TSHZ3: variants seen among roughly 807,000 people sequenced by gnomAD.
TSHZ3 encodes the protein teashirt zinc finger homeobox 3, also known as teashirt homolog 3.
TSHZ3 carries 10 observed loss-of-function variants against 64.5 expected under a neutral mutation model. The observed-to-expected ratio is 0.16, with a 90% CI of 0.10 to 0.26. The LOEUF (loss-of-function observed/expected upper bound fraction) is 0.26. Among genes scored for constraint, TSHZ3 ranks in the 10% least tolerant of loss-of-function variants. The pLI is 1.00. For missense variants in TSHZ3, 1,242 were observed against 1,421.7 expected (o/e 0.87, Z 2.03); for synonymous variants, 608 against 593.1 (o/e 1.03, Z -0.36).
chr19:31,254,485 A>G (rs1392086221), intron 1 of TSHZ3, among the ~76,000 whole-genome samples: 1 of 152,238 alleles, frequency 6.6e-6, no homozygotes, highest in Non-Finnish European at 1.5e-5. Flanking sequence ...GGGCTGAAAT[A>G]TAAAACACGC....
intron 1 of TSHZ3, among the ~76,000 whole-genome samples, chr19:31,304,911 C>T (rs1421574776): frequency 6.6e-6 from 1 of 152,208 alleles, no homozygotes; most frequent in Non-Finnish European, 1.5e-5. Flanking sequence ...TCACTCACAG[C>T]AACTGTAATA....
In TSHZ3 at chr19:31,277,801, G is replaced by C; in HGVS notation, c.1992C>G (p.Phe664Leu). The change falls in exon 2 of 2, where the codon TTC becomes TTG. Residue 664 changes from phenylalanine to leucine, a missense_variant. This residue lies in a region of TSHZ3 where 550 missense variants were observed against 545.1 expected (regional missense o/e 1.01). Coordinates refer to ENST00000240587, the MANE Select transcript of TSHZ3 (RefSeq NM_020856.4). This position sits in a 1 kb window ranked among gnomAD's most constrained non-coding sequence, Gnocchi z 4.5. The part of the protein sequence containing the change: ...IKMEASSDGG[F>L]RSQENSPSPP... The stretch of plus-strand genomic sequence containing the variant: ...GGCTGGGGCTGTTCTCCTGGCTGCG[G>C]AAGCCCCCATCGCTGGATGCCTCCA... 6.5e-7 allele frequency: 1 copy of C among 1,542,996 alleles called. No individual in the cohort carries two copies. Among genetic ancestry groups the C allele is most frequent in the African/African-American group, 1.4e-5 (1 of 72,562 alleles).
intron 5 of TSHZ3, among the ~76,000 whole-genome samples, chr19:31,200,838 G>T (rs1975073553): frequency 6.6e-6 from 1 of 152,068 alleles, no homozygotes; most frequent in African/African-American, 2.4e-5. Context: ...GAAGGGGGGT[G>T]CATGGGAAAT....
intron 1 of TSHZ3, among the ~76,000 whole-genome samples, chr19:31,245,183 G>A (rs543711322): frequency 1.2e-4 from 18 of 152,006 alleles, no homozygotes; most frequent in East Asian, 7.7e-4. Context: ...TCTTACTTAC[G>A]AAAAAATGTT....
At chr19:31,178,684 A>G (rs1437352659) in intron 5 of TSHZ3, among the ~76,000 whole-genome samples, 1 of 152,184 alleles carries the variant, frequency 6.6e-6, no homozygotes, top group Non-Finnish European at 1.5e-5. Flanking sequence ...CTTCTCAAGA[A>G]AAAAAGAAGA....
Position 31,279,456 on chromosome 19 carries a change from C to T in TSHZ3, c.337G>A (p.Asp113Asn). ...TVPLEDTTVS[D>N]SLEQMKAVYN... is the part of the protein sequence containing the mutation. ...ACGGCCTTCATCTGCTCCAGGCTATCCGACACAGTCGTGTCTTCCAGTGGG... is the reference window on the plus strand; with the variant it reads ...ACGGCCTTCATCTGCTCCAGGCTATTCGACACAGTCGTGTCTTCCAGTGGG... The change falls in exon 2 of 2, where the codon GAT becomes AAT. Residue 113 changes from aspartate to asparagine, a missense_variant. Around this residue, in one of 4 missense-constraint regions of TSHZ3, gnomAD observed 555 missense variants for 704.0 expected, o/e 0.79. Transcript: ENST00000240587. The surrounding 1 kb of genome is among the most constrained non-coding windows in gnomAD (Gnocchi z 6.4). 2 of 1,614,230 alleles carry T rather than the reference C, an allele frequency of 1.2e-6. No homozygotes were observed. The highest frequency in any genetic ancestry group is 8.5e-7 in the Non-Finnish European group (1 of 1,180,048).
chr19:31,279,064 G>T lies in TSHZ3; in HGVS notation c.729C>A (p.Asn243Lys), dbSNP rs1976310596. Reference protein sequence around the residue: ...MNETGHYRDDNHETDNNNPKR... With the variant: ...MNETGHYRDDKHETDNNNPKR... ...TGGGGTTGTTGTTATCGGTCTCATG[G>T]TTGTCGTCGCGGTAATGCCCCGTCT... Residue 243 changes from asparagine (N) to lysine (K), a missense_variant, in exon 2 of 2, where the codon AAC becomes AAA. This residue lies in a region of TSHZ3 where 555 missense variants were observed against 704.0 expected (regional missense o/e 0.79). Coordinates refer to ENST00000240587, the MANE Select transcript of TSHZ3 (RefSeq NM_020856.4). This position sits in a 1 kb window ranked among gnomAD's most constrained non-coding sequence, Gnocchi z 6.4. 1.2e-6 allele frequency: 2 copies of T among 1,614,108 alleles called. No homozygotes were observed. Among genetic ancestry groups the T allele is most frequent in the Non-Finnish European group, 1.7e-6 (2 of 1,180,004 alleles).
intron 1 of TSHZ3, among the ~76,000 whole-genome samples, chr19:31,263,481 G>C (rs1035441710): frequency 2.6e-5 from 4 of 152,342 alleles, no homozygotes; most frequent in African/African-American, 7.2e-5. Context: ...GCGAAGGCAT[G>C]AAGGAAAGCT....
At position 31,208,176 on chromosome 19, in the gene TSHZ3, C is replaced by T. The variant is rs545896729; in HGVS notation, n.687-3098G>A. On this transcript the variant is annotated intron_variant and non_coding_transcript_variant, in intron 4 of 6. Transcript: ENST00000651361. ...AGCAACAAAAATAGATGCTAGTTAA[C>T]GTGAGGAGGATATGAATTGGTTTAG... is the stretch of plus-strand genomic sequence containing the variant. Among the ~76,000 whole-genome samples, 304 of 152,260 alleles carry T rather than the reference C, an allele frequency of 2.0e-3. 2 individuals carry two copies. The highest frequency in any genetic ancestry group is 0.019 in the South Asian group (92 of 4,826).
chr19:31,173,178 A>T (rs1185049653), intron 5 of TSHZ3, among the ~76,000 whole-genome samples: 3 of 152,240 alleles, frequency 2.0e-5, no homozygotes, highest in Non-Finnish European at 4.4e-5. Context: ...CCAAGCTGGT[A>T]GCAGCAGTTG....
At chr19:31,226,977 C>CTTTCTTTTTTTTT (rs11419299) in intron 4 of TSHZ3, among the ~76,000 whole-genome samples, 1 of 65,684 alleles carries the variant, frequency 1.5e-5, no homozygotes, top group African/African-American at 9.7e-5. Flanking sequence ...TTCTTTCTTT[C>CTTTCTTTTTTTTT]TTTTTTTTTT....
chr19:31,159,445 G>T (rs1007341592), intron 5 of TSHZ3, among the ~76,000 whole-genome samples: 1 of 152,100 alleles, frequency 6.6e-6, no homozygotes, highest in Non-Finnish European at 1.5e-5. Flanking sequence ...GAACACCTTC[G>T]GGGAGGTCTT....
intron 1 of TSHZ3, among the ~76,000 whole-genome samples, chr19:31,323,502 CCTTTT>C (rs1916837600): frequency 6.6e-6 from 1 of 152,172 alleles, no homozygotes; most frequent in South Asian, 2.1e-4. Context: ...GCATATTTTT[CCTTTT>C]CTTTTCTTTA....
In TSHZ3 at chr19:31,300,128, C is replaced by T. The variant is rs565944587; in HGVS notation, c.41-20376G>A. ...AATGCATTACAAGCCTAAGAGGGAT[C>T]CCACAAGCCTTCCATTGATTCTGGT... On this transcript the variant is annotated intron_variant, in intron 1 of 1. Transcript: ENST00000240587. Among the ~76,000 whole-genome samples the T allele has an allele frequency of 3.3e-4, 51 of 152,278 alleles. 1 individual carries two copies. The highest frequency in any genetic ancestry group is 1.1e-3 in the African/African-American group (45 of 41,548).
chr19:31,272,240 C>G (rs967888435), downstream of TSHZ3, among the ~76,000 whole-genome samples: 2 of 152,068 alleles, frequency 1.3e-5, no homozygotes, highest in East Asian at 3.9e-4. Context: ...GCTTAGAGGG[C>G]CTTTTTTCCT....
Position 31,190,180 on chromosome 19 carries a change from G to C in TSHZ3, n.809+14776C>G, listed in dbSNP as rs1974880182. On this transcript the variant is annotated intron_variant and non_coding_transcript_variant, in intron 5 of 6. Transcript: ENST00000651361. ...TAAATGGCTGGAACTTAAAAGACAG[G>C]TCATTAAAGAGGAACTTCACAGGGA... 2.0e-5 allele frequency among the ~76,000 whole-genome samples: 3 copies of C among 152,158 alleles called. 1 individual carries two copies. The South Asian group carries it at 6.2e-4, about 31-fold the overall frequency.
intron 5 of TSHZ3, among the ~76,000 whole-genome samples, chr19:31,159,916 T>C (rs1039937020): frequency 6.6e-6 from 1 of 152,104 alleles, no homozygotes; most frequent in African/African-American, 2.4e-5. Context: ...GGTCTCAAAC[T>C]CCTGACCTCA....
chr19:31,158,779 C>T (rs1322590404), intron 5 of TSHZ3, among the ~76,000 whole-genome samples: 1 of 152,136 alleles, frequency 6.6e-6, no homozygotes, highest in East Asian at 1.9e-4. Flanking sequence ...GATCATCAGG[C>T]ATTAGATTCT....
At chr19:31,169,840 C>T (rs536823871) in intron 5 of TSHZ3, among the ~76,000 whole-genome samples, 4 of 152,040 alleles carry the variant, frequency 2.6e-5, no homozygotes, top group Non-Finnish European at 4.4e-5. Context: ...TATATGCTGC[C>T]CTAGAATTGT....
Sources: allele counts gnomAD v4.1 joint callset (sites outside exome capture counted in the v4.1 genomes callset), GRCh38; gene constraint gnomAD v4.1.1; regional missense constraint gnomAD v4.1.1; non-coding constraint Gnocchi (gnomAD v3.1); transcripts MANE v1.5; gene names NCBI Gene and HGNC (gene_info 2026-07-23, HGNC 2026-07-21).